PTPRK: variants seen among roughly 807,000 people sequenced by gnomAD.
PTPRK encodes the protein receptor-type tyrosine-protein phosphatase kappa.
In PTPRK, 75 loss-of-function variants were observed where a neutral mutation model predicts 178.0. The ratio of observed to expected loss-of-function variants is 0.42; its 90% CI spans 0.35 to 0.51. PTPRK has a LOEUF of 0.51. PTPRK is among the 20% of genes least tolerant of loss of function. The pLI is 0.02. For synonymous variants in PTPRK, 637 were observed against 620.6 expected, an observed-to-expected ratio of 1.03 and a Z score of -0.39; for missense variants, 1,441 against 1,797.8, an observed-to-expected ratio of 0.80 and a Z score of 3.59.
intron 7 of PTPRK, among the ~76,000 whole-genome samples, chr6:128,105,094 T>TTC (rs1789458598): frequency 6.6e-6 from 1 of 152,122 alleles, no homozygotes; most frequent in South Asian, 2.1e-4. Flanking sequence ...GAGAGCAAGT[T>TTC]TCTCTAGGGC....
At chr6:128,255,345 C>T (rs1006107770) in intron 3 of PTPRK, among the ~76,000 whole-genome samples, 1 of 151,996 alleles carries the variant, frequency 6.6e-6, no homozygotes, top group African/African-American at 2.4e-5. Context: ...ATTGAGAACA[C>T]AATATGGGAG....
intron 3 of PTPRK, among the ~76,000 whole-genome samples, chr6:128,295,820 C>T (rs576307365): frequency 6.6e-6 from 1 of 152,134 alleles, no homozygotes; most frequent in South Asian, 2.1e-4. Flanking sequence ...GCTAATATAC[C>T]TTAAACTTCA....
At position 128,230,532 on chromosome 6, in the gene PTPRK, T is replaced by C. The variant is rs80231539; in HGVS notation, c.693+9503A>G. On this transcript the variant is annotated intron_variant, in intron 5 of 29. Coordinates refer to ENST00000368226, the MANE Select transcript of PTPRK (RefSeq NM_002844.4). The stretch of plus-strand genomic sequence containing the variant: ...CTTGTCCTGTGTGATGTTTACCCGA[T>C]ATTGAGTCACAATAGTTTTTATTTT... 3.2e-3 allele frequency among the ~76,000 whole-genome samples: 484 copies of C among 152,340 alleles called. 2 individuals carry two copies. Among genetic ancestry groups the C allele is most frequent in the African/African-American group, 0.011 (472 of 41,578 alleles).
chr6:128,445,787 A>G (rs1239696158), intron 1 of PTPRK, among the ~76,000 whole-genome samples: 1 of 152,216 alleles, frequency 6.6e-6, no homozygotes. Flanking sequence ...GCTTACTGTC[A>G]TTGGTGGAGT....
chr6:128,489,115 C>T (rs1052545449), intron 1 of PTPRK, among the ~76,000 whole-genome samples: 1 of 152,160 alleles, frequency 6.6e-6, no homozygotes, highest in Non-Finnish European at 1.5e-5. Context: ...CTCTAGTACA[C>T]TTTCCACAAA....
intron 7 of PTPRK, among the ~76,000 whole-genome samples, chr6:128,111,552 A>C (rs964231540): frequency 6.6e-6 from 1 of 152,180 alleles, no homozygotes; most frequent in Non-Finnish European, 1.5e-5. Context: ...GATATGAAAC[A>C]AATATCATTT....
intron 6 of PTPRK, among the ~76,000 whole-genome samples, chr6:128,195,436 C>T (rs1051107242): frequency 6.6e-6 from 1 of 151,912 alleles, no homozygotes; most frequent in South Asian, 2.1e-4. Flanking sequence ...GGAGACACTA[C>T]TTGCATCCTC....
chr6:128,191,348 A>T lies in PTPRK; in HGVS notation c.869-6623T>A, dbSNP rs557985359. The stretch of plus-strand genomic sequence containing the variant: ...TCTCACTTATATGTGAAATCTAAAA[A>T]GCTTGAACTCATAGAAGCAGAGAGT... On this transcript the variant is annotated intron_variant, in intron 6 of 29. Transcript: ENST00000368226. 3.3e-5 allele frequency among the ~76,000 whole-genome samples: 5 copies of T among 152,188 alleles called. No individual in the cohort carries two copies. The South Asian group carries it at 1.0e-3, about 32-fold the overall frequency.
chr6:128,375,010 C>T (rs1392942973), intron 2 of PTPRK, among the ~76,000 whole-genome samples: 2 of 151,534 alleles, frequency 1.3e-5, no homozygotes, highest in African/African-American at 4.8e-5. Flanking sequence ...GGATACTCCT[C>T]CACATCTTTT....
intron 7 of PTPRK, among the ~76,000 whole-genome samples, chr6:128,141,062 A>C (rs1795703550): frequency 6.6e-6 from 1 of 151,970 alleles, no homozygotes; most frequent in African/African-American, 2.4e-5. Context: ...ATTAAACACA[A>C]CTTGATTTCT....
intron 13 of PTPRK, among the ~76,000 whole-genome samples, chr6:128,026,089 G>C (rs1284737884): frequency 6.6e-6 from 1 of 152,108 alleles, no homozygotes; most frequent in African/African-American, 2.4e-5. Flanking sequence ...AGAATCCCAA[G>C]AGATCTAAAC....
At chr6:128,401,167 G>T (rs1840963610) in intron 1 of PTPRK, among the ~76,000 whole-genome samples, 1 of 152,130 alleles carries the variant, frequency 6.6e-6, no homozygotes, top group Admixed American at 6.6e-5. Flanking sequence ...CTGTTTCTAT[G>T]ATAGCAAGCC....
At chr6:128,503,292 C>T (rs552983429) in intron 1 of PTPRK, among the ~76,000 whole-genome samples, 1 of 152,266 alleles carries the variant, frequency 6.6e-6, no homozygotes, top group South Asian at 2.1e-4. Context: ...ACCACCATCG[C>T]TATTACTTCC....
intron 7 of PTPRK, among the ~76,000 whole-genome samples, chr6:128,130,919 C>G (rs1030983437): frequency 1.3e-5 from 2 of 152,144 alleles, no homozygotes; most frequent in Admixed American, 1.3e-4. Context: ...TCCTCCACTC[C>G]AGAATTACAT....
Position 127,985,868 on chromosome 6 carries a change from T to G in PTPRK, c.3104A>C (p.Tyr1035Ser), listed in dbSNP as rs767045023. 1 of 1,610,758 alleles carries G rather than the reference T, an allele frequency of 6.2e-7. No homozygotes were observed. Among genetic ancestry groups the G allele is most frequent in the South Asian group, 1.1e-5 (1 of 90,942 alleles). Residue 1035 changes from tyrosine (Y) to serine (S), a missense_variant, in exon 22 of 30, where the codon TAC becomes TCC. This residue lies in a region of PTPRK where 945 missense variants were observed against 1,080.6 expected (regional missense o/e 0.87). Coordinates refer to ENST00000368226, the MANE Select transcript of PTPRK (RefSeq NM_002844.4). Reference protein sequence around the residue: ...VRTFTLERRGYNEIREVKQFH... With the variant: ...VRTFTLERRGSNEIREVKQFH... ...CTGTTTAACTTCACGGATTTCATTG[T>G]ACCCCCTCTGTGCAAAGATGGAAAG...
chr6:128,308,855 A>C (rs1826827050), intron 3 of PTPRK, among the ~76,000 whole-genome samples: 1 of 152,208 alleles, frequency 6.6e-6, no homozygotes, highest in African/African-American at 2.4e-5. Flanking sequence ...TTTGCAGCTG[A>C]ATGAAACCTT....
intron 7 of PTPRK, among the ~76,000 whole-genome samples, chr6:128,123,577 G>T (rs1792828342): frequency 6.6e-6 from 1 of 152,156 alleles, no homozygotes; most frequent in South Asian, 2.1e-4. Context: ...TGGTATGTTT[G>T]TCAAAATTAA....
At chr6:128,388,495 G>A (rs1839092957) in intron 2 of PTPRK, among the ~76,000 whole-genome samples, 1 of 152,120 alleles carries the variant, frequency 6.6e-6, no homozygotes, top group Non-Finnish European at 1.5e-5. Context: ...CCCATTACTT[G>A]CACTGGAAAA....
intron 29 of PTPRK, among the ~76,000 whole-genome samples, chr6:127,971,564 A>G (rs1391759994): frequency 1.3e-5 from 2 of 152,112 alleles, no homozygotes; most frequent in African/African-American, 2.4e-5. Flanking sequence ...TCTCCTCACC[A>G]AACTCCTCAG....
Sources: allele counts gnomAD v4.1 joint callset (sites outside exome capture counted in the v4.1 genomes callset), GRCh38; gene constraint gnomAD v4.1.1; regional missense constraint gnomAD v4.1.1; transcripts MANE v1.5; gene names NCBI Gene and HGNC (gene_info 2026-07-23, HGNC 2026-07-21).